Variants in ZNF507 observed in about 807,000 individuals in gnomAD.
The protein encoded by ZNF507 is zinc finger protein 507.
In ZNF507, 29 loss-of-function variants were observed where a neutral mutation model predicts 80.0. That is an observed-to-expected ratio of 0.36 (90% CI 0.27 to 0.49). The LOEUF is 0.49. Among genes scored for constraint, ZNF507 ranks in the 20% least tolerant of loss-of-function variants. ZNF507 has a pLI of 0.98. For missense variants in ZNF507, 1,081 were observed against 1,152.2 expected (o/e 0.94, Z 0.90); for synonymous variants, 462 against 422.5 (o/e 1.09, Z -1.15).
At chr19:32,373,894 A>G (rs547431772) in intron 5 of ZNF507, among the ~76,000 whole-genome samples, 62 of 152,316 alleles carry the variant, frequency 4.1e-4, no homozygotes, top group African/African-American at 1.5e-3. Flanking sequence ...AGGATGCAGC[A>G]TAACTACATG....
chr19:32,369,854 G>A (rs1275090362), intron 5 of ZNF507, among the ~76,000 whole-genome samples: 6 of 152,092 alleles, frequency 3.9e-5, no homozygotes, highest in African/African-American at 1.2e-4. Flanking sequence ...TAGGTCTCTA[G>A]ACAAGTTCAT....
intron 5 of ZNF507, among the ~76,000 whole-genome samples, chr19:32,366,503 C>T (rs758250274): frequency 6.6e-6 from 1 of 151,990 alleles, no homozygotes; most frequent in Non-Finnish European, 1.5e-5. Flanking sequence ...TTTTGCTCAA[C>T]GTGTGTGTAT....
At chr19:32,371,202 C>T (rs965673644) in intron 5 of ZNF507, among the ~76,000 whole-genome samples, 8 of 151,864 alleles carry the variant, frequency 5.3e-5, no homozygotes, top group South Asian at 2.1e-4. Context: ...CAGCCGGGCG[C>T]GGTGGCTCAC....
At chr19:32,364,329 TC>T (rs1379837824) in intron 5 of ZNF507, among the ~76,000 whole-genome samples, 1 of 152,224 alleles carries the variant, frequency 6.6e-6, no homozygotes, top group Non-Finnish European at 1.5e-5. Context: ...TCTTTTTTTT[TC>T]TTTTTTAAAT....
chr19:32,352,987 A>T lies in ZNF507; in HGVS notation c.157A>T (p.Lys53Ter), dbSNP rs1486839434. The T allele has an allele frequency of 8.1e-6, 13 of 1,613,942 alleles. No individual in the cohort carries two copies. The highest frequency in any genetic ancestry group is 6.8e-6 in the Non-Finnish European group (8 of 1,180,006). ...AATCCATGTTATCCAGAAGTTAAGC[A>T]AGATAGTGGAAAATGAAAAGTCACA... ...PLIHVIQKLS[K>*]IVENEKSQKC... Residue 53 changes from lysine (K) to a stop codon, truncating the protein, a stop_gained, in exon 3 of 7, where the codon AAG (lysine) becomes TAG (stop). Transcript: ENST00000355898. LOFTEE classifies it high-confidence loss of function.
At chr19:32,372,741 T>C (rs548406281) in intron 5 of ZNF507, among the ~76,000 whole-genome samples, 47 of 151,760 alleles carry the variant, frequency 3.1e-4, no homozygotes, top group Admixed American at 3.1e-3. Flanking sequence ...AACACCAACA[T>C]CCCATTCATG....
intron 5 of ZNF507, among the ~76,000 whole-genome samples, chr19:32,364,250 A>T (rs1046734783): frequency 1.3e-5 from 2 of 152,222 alleles, no homozygotes; most frequent in African/African-American, 2.4e-5. Context: ...GTGCCTACCA[A>T]TGCAGCTATT....
chr19:32,381,443 T>A (rs1243582815), intron 5 of ZNF507, among the ~76,000 whole-genome samples: 2 of 151,968 alleles, frequency 1.3e-5, no homozygotes, highest in Non-Finnish European at 2.9e-5. Flanking sequence ...CTACCAAAAA[T>A]ATGAAAATTA....
At chr19:32,352,756 T>C in intron 2 of ZNF507, 73 bp from the exon 3 acceptor site, 1 of 1,360,432 alleles carries the variant, frequency 7.4e-7, no homozygotes, top group Non-Finnish European at 1.0e-6. Context: ...AACATTCTCT[T>C]ATATTTTCCA....
chr19:32,362,311 A>G (rs1427926348), intron 5 of ZNF507, among the ~76,000 whole-genome samples: 1 of 152,332 alleles, frequency 6.6e-6, no homozygotes, highest in East Asian at 1.9e-4. Flanking sequence ...TTGCCTTTAT[A>G]TTTTTGGTAT....
chr19:32,352,962 A>C lies in ZNF507; in HGVS notation c.132A>C (p.Leu44Phe). ...DEQRKTKPDPLIHVIQKLSKI... is the reference protein window; with the variant it reads ...DEQRKTKPDPFIHVIQKLSKI... ...AAAGAAAAACTAAACCAGATCCATT[A>C]ATCCATGTTATCCAGAAGTTAAGCA... The change falls in exon 3 of 7, where the codon TTA (leucine) becomes TTC (phenylalanine). Residue 44 changes from leucine (L) to phenylalanine (F), a missense_variant. Physicochemically the swap from Leu to Phe is conservative, Grantham distance 22 (BLOSUM62 0). Transcript: ENST00000355898. The C allele has an allele frequency of 6.2e-7, 1 of 1,614,178 alleles. No homozygotes were observed. Among genetic ancestry groups the C allele is most frequent in the Non-Finnish European group, 8.5e-7 (1 of 1,180,034 alleles).
rs1967676445 is a variant in ZNF507, at chr19:32,385,474, T to C, written c.*2391T>C. ...CAAGAACAATTGAGTTTTCTAAAAG[T>C]AATAATGAAGATTATGCAATTCTAA... On this transcript the variant is annotated 3_prime_UTR_variant, in exon 7 of 7. Coordinates refer to ENST00000355898, the MANE Select transcript of ZNF507 (RefSeq NM_001136156.2). 1 of 152,216 alleles carries C rather than the reference T, an allele frequency of 6.6e-6. No homozygotes were observed. The highest frequency in any genetic ancestry group is 1.5e-5 in the Non-Finnish European group (1 of 68,042). The allele number at this position is 152,216 out of a possible 1,614,324, so 9.4% of individuals were successfully genotyped here.
rs370241122 is a variant in ZNF507, at chr19:32,353,461, A to G, written c.631A>G (p.Ile211Val). Reference sequence around the variant, plus strand: ...GAAAACCACAGAAAGAAATGAAACCATTCCAGATATCCCAGTAAGTGTGGA... The same window carrying G: ...GAAAACCACAGAAAGAAATGAAACCGTTCCAGATATCCCAGTAAGTGTGGA... ...CRKTTERNET[I>V]PDIPVSVDNL... Residue 211 changes from isoleucine to valine, a missense_variant, in exon 3 of 7, where the codon ATT becomes GTT. Coordinates refer to ENST00000355898, the MANE Select transcript of ZNF507 (RefSeq NM_001136156.2). The G allele has an allele frequency of 1.1e-5, 17 of 1,614,126 alleles. No homozygotes were observed. In the African/African-American group the frequency reaches 1.7e-4, roughly 16 times the overall value.
chr19:32,378,561 A>G (rs985665659), intron 5 of ZNF507, among the ~76,000 whole-genome samples: 3 of 152,144 alleles, frequency 2.0e-5, no homozygotes, highest in Non-Finnish European at 4.4e-5. Context: ...TACCCCAGGA[A>G]GGTAACATGT....
chr19:32,374,822 G>GCATA (rs1333630479), intron 5 of ZNF507, among the ~76,000 whole-genome samples: 3 of 152,096 alleles, frequency 2.0e-5, no homozygotes, highest in South Asian at 4.2e-4. Flanking sequence ...TGTCCTAGCT[G>GCATA]GTACCTCCAC....
chr19:32,376,360 A>G (rs1967546734), intron 5 of ZNF507, among the ~76,000 whole-genome samples: 1 of 152,162 alleles, frequency 6.6e-6, no homozygotes, highest in Admixed American at 6.6e-5. Flanking sequence ...CTGTCACCCA[A>G]ATCTTGGTTT....
chr19:32,380,454 A>G (rs1211866877), intron 5 of ZNF507, among the ~76,000 whole-genome samples: 2 of 152,210 alleles, frequency 1.3e-5, no homozygotes, highest in South Asian at 2.1e-4. Flanking sequence ...AGTGTATGAT[A>G]AAAGAATACA....
intron 5 of ZNF507, among the ~76,000 whole-genome samples, chr19:32,368,577 T>C (rs1298055935): frequency 6.6e-6 from 1 of 152,230 alleles, no homozygotes; most frequent in Non-Finnish European, 1.5e-5. Context: ...GATTCTTTAG[T>C]CAATGTGTTG....
chr19:32,353,155 A>G lies in ZNF507; in HGVS notation c.325A>G (p.Asn109Asp), dbSNP rs769691244. 42 of 1,614,096 alleles carry G rather than the reference A, an allele frequency of 2.6e-5. No individual in the cohort carries two copies. In the South Asian group the frequency reaches 4.2e-4, roughly 16 times the overall value. Reference sequence around the variant, plus strand: ...TAGAAGGGCTGAGATGTCACAAACAAATTTTACCCCTGACACTCTTGCCCA... The same window carrying G: ...TAGAAGGGCTGAGATGTCACAAACAGATTTTACCCCTGACACTCTTGCCCA... ...DTRRAEMSQT[N>D]FTPDTLAQNE... Residue 109 changes from asparagine (N) to aspartate (D), a missense_variant, in exon 3 of 7, where the codon AAT (asparagine) becomes GAT (aspartate). Transcript: ENST00000355898.
Sources: allele counts gnomAD v4.1 joint callset (sites outside exome capture counted in the v4.1 genomes callset), GRCh38; gene constraint gnomAD v4.1.1; transcripts MANE v1.5; gene names NCBI Gene and HGNC (gene_info 2026-07-23, HGNC 2026-07-21).